The following GALNT17 variants were observed in gnomAD, a reference collection of about 807,000 sequenced individuals.
GALNT17 encodes polypeptide N-acetylgalactosaminyltransferase 17, also known as UDP-GalNAc:polypeptide N-acetylgalactosaminyltransferase-like 3.
GALNT17 carries 29 observed loss-of-function variants against 63.7 expected under a neutral mutation model. That is an observed-to-expected ratio of 0.46 (90% CI 0.34 to 0.62). The LOEUF is 0.62. Ranked by LOEUF, GALNT17 falls within the 20% of genes least tolerant of loss-of-function variation. The probability of loss-of-function intolerance (pLI) is 0.01; values close to 1 mark genes in which losing one functional copy is unlikely to be tolerated. For missense variants in GALNT17, 603 were observed against 799.6 expected (o/e 0.75, Z 2.97); for synonymous variants, 305 against 318.3 (o/e 0.96, Z 0.45).
At chr7:71,370,407 T>G (rs145953431) in intron 2 of GALNT17, among the ~76,000 whole-genome samples, 4,759 of 152,196 alleles carry the variant, frequency 0.031, 275 homozygotes, top group African/African-American at 0.11. Context: ...CAAGCGATCC[T>G]CCTGCCTCAG....
chr7:71,443,314 C>T (rs930542975), intron 5 of GALNT17, among the ~76,000 whole-genome samples: 2 of 152,048 alleles, frequency 1.3e-5, no homozygotes, highest in Non-Finnish European at 2.9e-5. Flanking sequence ...GGAAGCATGA[C>T]GGTCTTTACA....
intron 6 of GALNT17, 37 bp downstream of exon 6, chr7:71,571,439 A>C (rs367795460): frequency 6.4e-7 from 1 of 1,564,868 alleles, no homozygotes; most frequent in Non-Finnish European, 8.8e-7. Flanking sequence ...TGGTGTGCCC[A>C]TGTTTGTGAG....
chr7:71,417,949 T>G (rs769661446), intron 4 of GALNT17, among the ~76,000 whole-genome samples: 8 of 152,216 alleles, frequency 5.3e-5, no homozygotes, highest in Non-Finnish European at 1.0e-4. Context: ...CCTAGCTTGG[T>G]TCTTTCTTGA....
chr7:71,409,373 G>A (rs192197905), intron 3 of GALNT17, among the ~76,000 whole-genome samples: 244 of 152,312 alleles, frequency 1.6e-3, no homozygotes, highest in African/African-American at 5.5e-3. Context: ...TTTGAAGCTT[G>A]TAAGAAATAC....
At chr7:71,265,118 A>ATATATATATATATATATTTTTTTTTT (rs1390488895) in intron 1 of GALNT17, among the ~76,000 whole-genome samples, 2 of 37,452 alleles carry the variant, frequency 5.3e-5, no homozygotes, top group African/African-American at 1.4e-4. Flanking sequence ...ATATATATAT[A>ATATATATATATATATATTTTTTTTTT]TTTTTTTTTT....
At chr7:71,591,835 G>A (rs1789806823) in intron 6 of GALNT17, among the ~76,000 whole-genome samples, 1 of 151,938 alleles carries the variant, frequency 6.6e-6, no homozygotes, top group Non-Finnish European at 1.5e-5. Flanking sequence ...GCTAATTTTT[G>A]TATTTTTAGT....
chr7:71,624,560 A>G (rs1307153425), intron 6 of GALNT17, among the ~76,000 whole-genome samples: 1 of 152,052 alleles, frequency 6.6e-6, no homozygotes, highest in African/African-American at 2.4e-5. Context: ...ACTGCTGTAG[A>G]GCACCCTTTC....
chr7:71,539,496 C>T (rs556968598), intron 5 of GALNT17, among the ~76,000 whole-genome samples: 14 of 152,220 alleles, frequency 9.2e-5, no homozygotes, highest in Admixed American at 2.6e-4. Flanking sequence ...GATGTGTGTG[C>T]GTGCACGTGT....
intron 3 of GALNT17, among the ~76,000 whole-genome samples, chr7:71,391,014 C>T (rs2116352324): frequency 6.6e-6 from 1 of 152,330 alleles, no homozygotes; most frequent in African/African-American, 2.4e-5. Flanking sequence ...CACCTTGCTA[C>T]TAGCTGTCGC....
In GALNT17 at chr7:71,273,860, A is replaced by T. The variant is rs559407250; in HGVS notation, c.239-61690A>T. On this transcript the variant is annotated intron_variant, in intron 1 of 10. Transcript: ENST00000333538. ...GATAATGTGTGTGTGTGTGTGAGAGAGAGAGAGAGAGAGAGAGAATGAGAG... is the reference window on the plus strand; with the variant it reads ...GATAATGTGTGTGTGTGTGTGAGAGTGAGAGAGAGAGAGAGAGAATGAGAG... Among the ~76,000 whole-genome samples the T allele has an allele frequency of 6.6e-3, 987 of 149,456 alleles. 4 individuals are homozygous for T. The highest frequency in any genetic ancestry group is 0.014 in the South Asian group (68 of 4,770).
chr7:71,409,774 G>A (rs1185672347), intron 3 of GALNT17, among the ~76,000 whole-genome samples: 1 of 152,186 alleles, frequency 6.6e-6, no homozygotes, highest in Non-Finnish European at 1.5e-5. Context: ...CAGAGAAAGA[G>A]TTTCATGAGT....
At chr7:71,399,302 G>C (rs939141027) in intron 3 of GALNT17, among the ~76,000 whole-genome samples, 8 of 152,122 alleles carry the variant, frequency 5.3e-5, no homozygotes, top group African/African-American at 1.9e-4. Flanking sequence ...AATAGCCTTC[G>C]TGCTAGTCTT....
chr7:71,689,461 G>A (rs2079962), intron 9 of GALNT17, among the ~76,000 whole-genome samples: 114,814 of 152,148 alleles, frequency 0.75, 43,458 homozygotes, highest in East Asian at 0.85. Context: ...TAGAAGACCA[G>A]TCCAGCCACA....
chr7:71,386,398 T>C (rs1323289257), intron 2 of GALNT17, among the ~76,000 whole-genome samples: 1 of 152,196 alleles, frequency 6.6e-6, no homozygotes, highest in Non-Finnish European at 1.5e-5. Flanking sequence ...CTATATATTG[T>C]GCAATCTCCC....
At chr7:71,310,934 G>A (rs543894490) in intron 1 of GALNT17, among the ~76,000 whole-genome samples, 1 of 152,194 alleles carries the variant, frequency 6.6e-6, no homozygotes, top group Admixed American at 6.5e-5. Context: ...TCTCTATCAC[G>A]ACACTAGTCC....
chr7:71,557,320 T>C (rs1317561352), intron 5 of GALNT17, among the ~76,000 whole-genome samples: 3 of 152,198 alleles, frequency 2.0e-5, no homozygotes, highest in African/African-American at 7.2e-5. Flanking sequence ...TTTGGAACCC[T>C]GTCAGTGTTG....
At chr7:71,428,183 C>T (rs145202368) in intron 5 of GALNT17, among the ~76,000 whole-genome samples, 44 of 152,304 alleles carry the variant, frequency 2.9e-4, no homozygotes, top group African/African-American at 9.4e-4. Flanking sequence ...ACTATCTCCA[C>T]GATCTACTTC....
intron 1 of GALNT17, among the ~76,000 whole-genome samples, chr7:71,244,148 TGCCCA>T (rs1790052829): frequency 6.6e-6 from 1 of 152,224 alleles, no homozygotes; most frequent in Non-Finnish European, 1.5e-5. Context: ...TGCTACTGCA[TGCCCA>T]GCTCTGCTCC....
At chr7:71,468,494 G>T (rs1399378742) in intron 5 of GALNT17, among the ~76,000 whole-genome samples, 5 of 151,946 alleles carry the variant, frequency 3.3e-5, no homozygotes, top group African/African-American at 1.2e-4. Flanking sequence ...TCGGATCACT[G>T]CAGCCTCCAT....
Sources: allele counts gnomAD v4.1 joint callset (sites outside exome capture counted in the v4.1 genomes callset), GRCh38; gene constraint gnomAD v4.1.1; transcripts MANE v1.5; gene names NCBI Gene and HGNC (gene_info 2026-07-23, HGNC 2026-07-21).